The following EYS variants were observed in gnomAD, a reference collection of about 807,000 sequenced individuals.
EYS encodes EGF-like photoreceptor maintenance factor.
In EYS, 250 loss-of-function variants were observed where a neutral mutation model predicts 282.1. The ratio of observed to expected loss-of-function variants is 0.89; its 90% confidence interval spans 0.80 to 0.98. EYS has a LOEUF of 0.98. EYS is among the 50% of genes least tolerant of loss of function. EYS has a pLI of 0.00. For synonymous variants in EYS, 1,355 were observed against 1,282.9 expected, an observed-to-expected ratio of 1.06 and a Z score of -1.20; for missense variants, 4,016 against 3,709.0, an observed-to-expected ratio of 1.08 and a Z score of -2.15.
At chr6:64,101,466 G>A (rs1412909225) in intron 31 of EYS, among the ~76,000 whole-genome samples, 1 of 151,882 alleles carries the variant, frequency 6.6e-6, no homozygotes, top group African/African-American at 2.4e-5. Context: ...ATGCATGCAT[G>A]CACATAAAAG....
chr6:64,373,547 G>C (rs1360727832), intron 29 of EYS, among the ~76,000 whole-genome samples: 1 of 152,232 alleles, frequency 6.6e-6, no homozygotes, highest in Non-Finnish European at 1.5e-5. Context: ...GGTGTAGCCT[G>C]TCTAGCAAGG....
intron 22 of EYS, among the ~76,000 whole-genome samples, chr6:64,670,435 A>G (rs1233566846): frequency 2.8e-5 from 4 of 140,842 alleles, no homozygotes; most frequent in Non-Finnish European, 6.2e-5. Flanking sequence ...ATAAATAAAT[A>G]AATAAATAAA....
intron 22 of EYS, among the ~76,000 whole-genome samples, chr6:64,796,772 T>A (rs1189159294): frequency 6.6e-6 from 1 of 152,142 alleles, no homozygotes; most frequent in Non-Finnish European, 1.5e-5. Flanking sequence ...AATGAAGAGT[T>A]GTTCTTTTGC....
rs553855480 is a variant in EYS at position 65,402,128 on chromosome 6, A to G, written c.1184+350T>C. 4.0e-5 allele frequency among the ~76,000 whole-genome samples: 6 copies of G among 151,868 alleles called. No homozygotes were observed. In the East Asian group the frequency reaches 5.8e-4, roughly 15 times the overall value. Reference sequence around the variant, plus strand: ...TTATTTTAAAATATTTCAATATTATATATGTATAACAAAAATAATACTATG... The same window carrying G: ...TTATTTTAAAATATTTCAATATTATGTATGTATAACAAAAATAATACTATG... On this transcript the variant is annotated intron_variant, in intron 7 of 42. Coordinates refer to ENST00000503581, the MANE Select transcript of EYS (RefSeq NM_001142800.2).
At chr6:63,977,614 G>A (rs1369935588) in intron 35 of EYS, among the ~76,000 whole-genome samples, 1 of 151,944 alleles carries the variant, frequency 6.6e-6, no homozygotes, top group African/African-American at 2.4e-5. Context: ...AGGACTGGGT[G>A]GAAAGAAACA....
At chr6:65,297,688 G>A (rs1461066928) in intron 11 of EYS, among the ~76,000 whole-genome samples, 1 of 151,938 alleles carries the variant, frequency 6.6e-6, no homozygotes, top group Non-Finnish European at 1.5e-5. Context: ...TACTGGGCAA[G>A]TAACTGTTAC....
intron 31 of EYS, among the ~76,000 whole-genome samples, chr6:64,130,434 A>G (rs1179173034): frequency 6.6e-6 from 1 of 152,094 alleles, no homozygotes; most frequent in African/African-American, 2.4e-5. Context: ...GAACAATGAG[A>G]ACACATGGAC....
chr6:65,228,360 A>G (rs1046928517), intron 12 of EYS, among the ~76,000 whole-genome samples: 2 of 152,108 alleles, frequency 1.3e-5, no homozygotes, highest in African/African-American at 4.8e-5. Flanking sequence ...CATGGTTATA[A>G]TATTTCAGTA....
At chr6:64,021,154 AG>A (rs201511017) in intron 33 of EYS, among the ~76,000 whole-genome samples, 1 of 131,654 alleles carries the variant, frequency 7.6e-6, no homozygotes, top group East Asian at 2.1e-4. Flanking sequence ...ATAGTTTTCA[AG>A]GGAAAAAAAA....
At chr6:63,915,385 C>T (rs1416409783) in intron 35 of EYS, among the ~76,000 whole-genome samples, 1 of 152,126 alleles carries the variant, frequency 6.6e-6, no homozygotes, top group East Asian at 1.9e-4. Flanking sequence ...AAAAAGATTC[C>T]TTTCAAAATA....
At chr6:65,469,036 G>C (rs923246052) in intron 5 of EYS, among the ~76,000 whole-genome samples, 12 of 151,618 alleles carry the variant, frequency 7.9e-5, no homozygotes, top group Admixed American at 1.3e-4. Flanking sequence ...TCACCTCTAG[G>C]GTTGCCAGAT....
chr6:65,557,300 G>A (rs1768854227), intron 2 of EYS, among the ~76,000 whole-genome samples: 1 of 152,186 alleles, frequency 6.6e-6, no homozygotes, highest in African/African-American at 2.4e-5. Flanking sequence ...GCAGAGTGGT[G>A]AGGAGTGTGT....
intron 6 of EYS, among the ~76,000 whole-genome samples, chr6:65,403,347 A>G (rs1429693039): frequency 2.0e-5 from 3 of 151,860 alleles, no homozygotes; most frequent in Admixed American, 6.6e-5. Flanking sequence ...CCTAATCATC[A>G]TATTTCTTCC....
intron 22 of EYS, among the ~76,000 whole-genome samples, chr6:64,646,807 A>AC (rs1768370839): frequency 2.0e-5 from 3 of 151,348 alleles, no homozygotes; most frequent in African/African-American, 7.3e-5. Flanking sequence ...TCCAGCTAAA[A>AC]GAAAAAAAAA....
Position 65,010,093 on chromosome 6 carries a change from G to A in EYS, c.2138-12390C>T, listed in dbSNP as rs768392104. On this transcript the variant is annotated intron_variant, in intron 13 of 42. Transcript: ENST00000503581. ...TAACCCAAGCCCCAGTGTTAAGCTT[G>A]TCAATGGGGCAAGACTTGACTTTAT... 2.0e-5 allele frequency among the ~76,000 whole-genome samples: 3 copies of A among 152,170 alleles called. No individual in the cohort carries two copies. The South Asian group carries it at 6.2e-4, about 31-fold the overall frequency.
intron 26 of EYS, among the ~76,000 whole-genome samples, chr6:64,487,031 C>T (rs1443259142): frequency 6.6e-6 from 1 of 151,190 alleles, no homozygotes; most frequent in Non-Finnish European, 1.5e-5. Context: ...TTTCCTCATA[C>T]ACCATCATTA....
At chr6:65,191,002 C>T (rs1387197101) in intron 12 of EYS, among the ~76,000 whole-genome samples, 2 of 151,730 alleles carry the variant, frequency 1.3e-5, no homozygotes. Flanking sequence ...AGAAGAATGG[C>T]CTGGGAAAAT....
intron 35 of EYS, among the ~76,000 whole-genome samples, chr6:63,868,976 C>A (rs1201234762): frequency 6.6e-6 from 1 of 152,058 alleles, no homozygotes; most frequent in Non-Finnish European, 1.5e-5. Context: ...TCATTTATAA[C>A]TTTTTAAAAG....
At chr6:64,156,042 TTG>T (rs559689576) in intron 31 of EYS, among the ~76,000 whole-genome samples, 1 of 141,082 alleles carries the variant, frequency 7.1e-6, no homozygotes, top group Non-Finnish European at 1.6e-5. Context: ...GTGTGTGTGT[TTG>T]TGTGTGTGTA....
Sources: allele counts gnomAD v4.1 joint callset (sites outside exome capture counted in the v4.1 genomes callset), GRCh38; gene constraint gnomAD v4.1.1; transcripts MANE v1.5; gene names NCBI Gene and HGNC (gene_info 2026-07-23, HGNC 2026-07-21).